GSE1: variants seen among roughly 807,000 people sequenced by gnomAD.
The protein encoded by GSE1 is genetic suppressor element 1.
GSE1 carries 32 observed loss-of-function variants against 112.6 expected under a neutral mutation model. The ratio of observed to expected loss-of-function variants is 0.28; its 90% CI spans 0.21 to 0.38. The LOEUF is 0.38. Ranked by LOEUF, GSE1 falls within the 10% of genes least tolerant of loss-of-function variation. The pLI is 1.00. For missense variants in GSE1, 2,348 were observed against 1,699.2 expected, an observed-to-expected ratio of 1.38 and a Z score of -6.71; for synonymous variants, 1,115 against 735.6, an observed-to-expected ratio of 1.52 and a Z score of -8.35.
intron 2 of GSE1, among the ~76,000 whole-genome samples, chr16:85,507,817 C>A (rs765228539): frequency 1.3e-5 from 2 of 152,186 alleles, no homozygotes; most frequent in Non-Finnish European, 2.9e-5. Context: ...TCGCAGGACA[C>A]AAATCAGCCT....
chr16:85,352,214 G>C (rs922663864), intron 1 of GSE1, among the ~76,000 whole-genome samples: 1 of 152,182 alleles, frequency 6.6e-6, no homozygotes, highest in African/African-American at 2.4e-5. Context: ...AAGCACTCCA[G>C]CTCCCTGGAG....
intron 1 of GSE1, among the ~76,000 whole-genome samples, chr16:85,206,170 G>C (rs1468416441): frequency 1.3e-5 from 2 of 151,844 alleles, no homozygotes; most frequent in African/African-American, 2.4e-5. Context: ...GGCACGGGAA[G>C]GGGGGAGGGA....
chr16:85,396,418 C>G (rs534767984), intron 2 of GSE1, among the ~76,000 whole-genome samples: 20 of 152,360 alleles, frequency 1.3e-4, no homozygotes, highest in Non-Finnish European at 2.5e-4. Context: ...AAAAACACCT[C>G]TGATTAGTTG....
rs1192723319 is a variant in GSE1 at position 85,331,359 on chromosome 16, G to GTATATATATATA, written c.2284-26103_2284-26102insATATATATATAT. Among the ~76,000 whole-genome samples the GTATATATATATA allele has an allele frequency of 4.4e-4, 24 of 54,510 alleles. 3 individuals carry two copies. The highest frequency in any genetic ancestry group is 4.3e-3 in the East Asian group (8 of 1,858). The allele number at this position is 54,510 out of a possible 152,430, so 35.8% of individuals were successfully genotyped here. A position where few individuals can be genotyped will look rare whatever the true frequency, so the allele number is the denominator to read the frequency against. On this transcript the variant is annotated intron_variant, in intron 1 of 2. Coordinates refer to the GSE1 transcript ENST00000637419. ...TGTGTGTGTGTGTGTGTGTGTGTGT[G>GTATATATATATA]TGTGTGTATATATGTATATATATGT... is the stretch of plus-strand genomic sequence containing the variant.
intron 1 of GSE1, among the ~76,000 whole-genome samples, chr16:85,344,550 T>C (rs904181520): frequency 6.6e-6 from 1 of 152,244 alleles, no homozygotes; most frequent in African/African-American, 2.4e-5. Context: ...AGCGCAGGGC[T>C]GCTCCCCGTT....
chr16:85,288,671 G>C (rs1460574662), intron 1 of GSE1, among the ~76,000 whole-genome samples: 1 of 152,230 alleles, frequency 6.6e-6, no homozygotes, highest in Non-Finnish European at 1.5e-5. Context: ...CTGGGGGCTG[G>C]GGTGCATAGA....
chr16:85,507,845 C>A (rs1008091372), intron 2 of GSE1, among the ~76,000 whole-genome samples: 1 of 152,284 alleles, frequency 6.6e-6, no homozygotes, highest in East Asian at 1.9e-4. Flanking sequence ...GTGTCATTTT[C>A]CCTCTTTTTC....
chr16:85,284,988 A>G (rs1195231244), intron 1 of GSE1: 1 of 152,282 alleles, frequency 6.6e-6, no homozygotes, highest in Non-Finnish European at 1.5e-5. Flanking sequence ...CACTGTGGTC[A>G]TCGTTTCAGG....
intron 2 of GSE1, among the ~76,000 whole-genome samples, chr16:85,394,116 TCGGGCTGTCGGGGAC>T (rs1445647991): frequency 6.6e-6 from 1 of 151,758 alleles, no homozygotes; most frequent in African/African-American, 2.4e-5. Context: ...GAATGAACAT[TCGGGCTGTCGGGGAC>T]CGGGGAAGGC....
intron 6 of GSE1, 56 bp from the exon 7 acceptor site, chr16:85,656,287 G>C (rs1272383527): frequency 1.1e-5 from 17 of 1,593,874 alleles, no homozygotes; most frequent in Non-Finnish European, 1.5e-5. Context: ...GCCTGCCCCA[G>C]GTCCGTCTCT....
chr16:85,644,232 A>G (rs2050673133), intron 2 of GSE1, among the ~76,000 whole-genome samples: 1 of 151,522 alleles, frequency 6.6e-6, no homozygotes, highest in South Asian at 2.1e-4. Flanking sequence ...CCGGCTCCTC[A>G]GGAGGCTGAG....
intron 1 of GSE1, among the ~76,000 whole-genome samples, chr16:85,266,889 G>A (rs541355085): frequency 5.9e-5 from 9 of 152,288 alleles, no homozygotes; most frequent in African/African-American, 1.4e-4. Flanking sequence ...TCCACGTCCT[G>A]TGCTCCTGCC....
chr16:85,332,608 C>G (rs1203061258), intron 1 of GSE1, among the ~76,000 whole-genome samples: 1 of 152,196 alleles, frequency 6.6e-6, no homozygotes, highest in Non-Finnish European at 1.5e-5. Flanking sequence ...CAGGGCCGCA[C>G]TGCTCTCTGC....
At chr16:85,334,501 C>A (rs1465217907) in intron 1 of GSE1, among the ~76,000 whole-genome samples, 2 of 152,244 alleles carry the variant, frequency 1.3e-5, no homozygotes, top group Admixed American at 6.5e-5. Flanking sequence ...TTTCCTCTCT[C>A]CTGTCTGTCC....
chr16:85,523,304 G>A (rs1332483047), intron 2 of GSE1, among the ~76,000 whole-genome samples: 1 of 151,872 alleles, frequency 6.6e-6, no homozygotes, highest in Non-Finnish European at 1.5e-5. Flanking sequence ...GCGTGTGCCT[G>A]TGGTTGTGCG....
chr16:85,367,573 C>T (rs950623466), intron 2 of GSE1, among the ~76,000 whole-genome samples: 5 of 152,234 alleles, frequency 3.3e-5, no homozygotes, highest in East Asian at 1.9e-4. Context: ...GACGGGTGGT[C>T]GCAGAGGCCT....
intron 1 of GSE1, among the ~76,000 whole-genome samples, chr16:85,254,662 CA>C (rs1906872418): frequency 6.6e-6 from 1 of 152,212 alleles, no homozygotes; most frequent in Non-Finnish European, 1.5e-5. Flanking sequence ...AGCCCGGCCA[CA>C]CACCTGTGAC....
At chr16:85,182,029 C>T (rs1289261702) in intron 1 of GSE1, among the ~76,000 whole-genome samples, 1 of 152,198 alleles carries the variant, frequency 6.6e-6, no homozygotes, top group Non-Finnish European at 1.5e-5. Context: ...GACAAGGGAG[C>T]CCCGGAACGT....
At chr16:85,617,603 C>A (rs1048348644) in intron 1 of GSE1, among the ~76,000 whole-genome samples, 1 of 97,246 alleles carries the variant, frequency 1.0e-5, no homozygotes, top group Non-Finnish European at 2.7e-5. Flanking sequence ...CCCTCCCCCC[C>A]CCCCCCCCGT....
Sources: gnomAD v4.1 joint callset for allele counts (sites outside exome capture counted in the v4.1 genomes callset) on GRCh38, gnomAD v4.1.1 for gene constraint, MANE v1.5 for transcripts, NCBI Gene and HGNC (gene_info 2026-07-23, HGNC 2026-07-21) for gene names.